Variants in ATG4C observed in about 807,000 individuals in gnomAD.
The protein encoded by ATG4C is autophagy related 4C cysteine peptidase.
A neutral mutation model predicts 57.6 loss-of-function variants in ATG4C; 56 were observed. That is an observed-to-expected ratio of 0.97 (90% CI 0.78 to 1.21). ATG4C has a LOEUF of 1.21. ATG4C is among the 50% of genes most tolerant of loss of function. The probability of loss-of-function intolerance (pLI) is 0.00; values close to 1 mark genes in which losing one functional copy is unlikely to be tolerated. For synonymous variants in ATG4C, 157 were observed against 174.1 expected, an observed-to-expected ratio of 0.90 and a Z score of 0.78; for missense variants, 595 against 529.8, an observed-to-expected ratio of 1.12 and a Z score of -1.21.
chr1:62,863,103 G>A (rs893691989), intron 10 of ATG4C, among the ~76,000 whole-genome samples: 1 of 151,838 alleles, frequency 6.6e-6, no homozygotes, highest in Non-Finnish European at 1.5e-5. Context: ...AATAGAACTT[G>A]TTTAACAGAA....
chr1:62,822,310 C>T (rs750696594), intron 6 of ATG4C, among the ~76,000 whole-genome samples: 18 of 151,922 alleles, frequency 1.2e-4, no homozygotes, highest in African/African-American at 1.4e-4. Flanking sequence ...GACCAATATC[C>T]GTAATTATAG....
At chr1:62,862,863 G>T (rs1293896654) in intron 10 of ATG4C, among the ~76,000 whole-genome samples, 1 of 152,010 alleles carries the variant, frequency 6.6e-6, no homozygotes, top group Middle Eastern at 3.2e-3. Flanking sequence ...TGACATTTGA[G>T]ATAATGCAGT....
chr1:62,799,741 C>T (rs1325964475), intron 1 of ATG4C, among the ~76,000 whole-genome samples: 3 of 152,160 alleles, frequency 2.0e-5, no homozygotes, highest in Non-Finnish European at 4.4e-5. Context: ...TCCATTCCCT[C>T]AAGCATATAT....
chr1:62,864,371 C>T lies in ATG4C; in HGVS notation c.*212C>T. On this transcript the variant is annotated 3_prime_UTR_variant, in exon 11 of 11. Transcript: ENST00000317868. ...TTTCTAATAAATAAATTGAGTGATT[C>T]TGGTTGCATTCCTATTTCCCTAAGA... 1 of 402,444 alleles carries T rather than the reference C, an allele frequency of 2.5e-6. No individual in the cohort carries two copies. The highest frequency in any genetic ancestry group is 4.4e-6 in the Non-Finnish European group (1 of 226,576). 24.9% of individuals were successfully genotyped at this position (402,444 alleles called of 1,614,324 possible).
intron 10 of ATG4C, among the ~76,000 whole-genome samples, chr1:62,862,308 A>G (rs1001821757): frequency 6.6e-5 from 10 of 152,094 alleles, no homozygotes; most frequent in Non-Finnish European, 1.2e-4. Flanking sequence ...ACTTAGTCCT[A>G]TATTAATAAA....
chr1:62,810,264 C>T (rs903553758), intron 3 of ATG4C, among the ~76,000 whole-genome samples: 2 of 152,128 alleles, frequency 1.3e-5, no homozygotes, highest in African/African-American at 2.4e-5. Context: ...AATATACAGT[C>T]TTTACTCTCA....
At chr1:62,847,128 G>A (rs1490398978) in intron 10 of ATG4C, among the ~76,000 whole-genome samples, 1 of 152,218 alleles carries the variant, frequency 6.6e-6, no homozygotes, top group Admixed American at 6.5e-5. Flanking sequence ...AGTGAGCCAA[G>A]ATTGTGCCAT....
intron 10 of ATG4C, among the ~76,000 whole-genome samples, chr1:62,861,743 T>A (rs1287889337): frequency 6.6e-6 from 1 of 152,188 alleles, no homozygotes; most frequent in African/African-American, 2.4e-5. Context: ...TAATTGAAAC[T>A]AAATTTTATA....
intron 1 of ATG4C, among the ~76,000 whole-genome samples, chr1:62,802,052 A>C (rs1185286339): frequency 1.3e-5 from 2 of 151,738 alleles, no homozygotes; most frequent in Non-Finnish European, 2.9e-5. Flanking sequence ...ACATATCTCA[A>C]ATCAAATTCA....
intron 9 of ATG4C, among the ~76,000 whole-genome samples, chr1:62,838,014 T>C (rs1046891012): frequency 1.3e-5 from 2 of 152,186 alleles, no homozygotes; most frequent in Non-Finnish European, 2.9e-5. Flanking sequence ...TTAGGAAGCT[T>C]CATCTGAATC....
At chr1:62,818,506 G>A (rs1302045321) in intron 4 of ATG4C, among the ~76,000 whole-genome samples, 1 of 152,050 alleles carries the variant, frequency 6.6e-6, no homozygotes, top group East Asian at 1.9e-4. Flanking sequence ...TTTACCCAAG[G>A]TTACTATTTT....
At chr1:62,846,420 T>C (rs1381449711) in intron 10 of ATG4C, among the ~76,000 whole-genome samples, 1 of 152,196 alleles carries the variant, frequency 6.6e-6, no homozygotes, top group Non-Finnish European at 1.5e-5. Flanking sequence ...TTTATCTTGA[T>C]GATCTCATGC....
chr1:62,851,386 C>T (rs1227414957), intron 10 of ATG4C, among the ~76,000 whole-genome samples: 1 of 152,090 alleles, frequency 6.6e-6, no homozygotes, highest in East Asian at 1.9e-4. Context: ...CAAAGAATAC[C>T]TCCTCAGGTA....
At chr1:62,815,406 ATTG>A (rs1665234473) in intron 3 of ATG4C, among the ~76,000 whole-genome samples, 1 of 152,078 alleles carries the variant, frequency 6.6e-6, no homozygotes, top group Admixed American at 6.5e-5. Flanking sequence ...TCTTTATGAT[ATTG>A]TTGTCATACA....
chr1:62,821,937 C>G (rs12090494), intron 6 of ATG4C, among the ~76,000 whole-genome samples: 22,757 of 152,050 alleles, frequency 0.15, 1,797 homozygotes, highest in South Asian at 0.19. Context: ...CCATCACATG[C>G]AGTCACATGT....
chr1:62,800,573 T>A (rs943549875), intron 1 of ATG4C, among the ~76,000 whole-genome samples: 1 of 152,242 alleles, frequency 6.6e-6, no homozygotes, highest in Non-Finnish European at 1.5e-5. Flanking sequence ...ACACATTTTA[T>A]AAACTCTTTT....
At chr1:62,810,376 G>T (rs1665042348) in intron 3 of ATG4C, among the ~76,000 whole-genome samples, 1 of 152,120 alleles carries the variant, frequency 6.6e-6, no homozygotes, top group African/African-American at 2.4e-5. Context: ...TTACTGCTCT[G>T]CCTTGGTCAA....
intron 1 of ATG4C, among the ~76,000 whole-genome samples, chr1:62,792,157 C>T (rs570293852): frequency 5.9e-5 from 9 of 152,200 alleles, no homozygotes; most frequent in African/African-American, 1.2e-4. Flanking sequence ...CCACCATGCC[C>T]GGCTAATTTT....
intron 1 of ATG4C, among the ~76,000 whole-genome samples, chr1:62,798,469 T>C (rs1360002828): frequency 6.6e-5 from 10 of 152,128 alleles, no homozygotes; most frequent in Admixed American, 6.5e-4. Flanking sequence ...TTTACTGTAG[T>C]TTTATAGTGT....
Sources: allele counts gnomAD v4.1 joint callset (sites outside exome capture counted in the v4.1 genomes callset), GRCh38; gene constraint gnomAD v4.1.1; transcripts MANE v1.5; gene names NCBI Gene and HGNC (gene_info 2026-07-23, HGNC 2026-07-21).